Variants in PRKN observed in about 807,000 individuals in gnomAD.
PRKN encodes E3 ubiquitin-protein ligase parkin.
PRKN carries 56 observed loss-of-function variants against 59.5 expected under a neutral mutation model. The observed-to-expected ratio is 0.94, with a 90% CI of 0.76 to 1.18. The LOEUF (loss-of-function observed/expected upper bound fraction) is 1.18. PRKN is among the 50% of genes most tolerant of loss of function. The pLI, the probability that PRKN is intolerant of heterozygous loss-of-function variation, is 0.00. For missense variants in PRKN, 657 were observed against 596.4 expected (o/e 1.10, Z -1.06); for synonymous variants, 250 against 222.1 (o/e 1.13, Z -1.12).
intron 2 of PRKN, among the ~76,000 whole-genome samples, chr6:162,403,677 A>T (rs1787915509): frequency 6.6e-6 from 1 of 152,144 alleles, no homozygotes; most frequent in African/African-American, 2.4e-5. Flanking sequence ...GGATTCAGGA[A>T]TGGGGAAAAA....
chr6:161,844,138 T>C (rs1349455747), intron 6 of PRKN, among the ~76,000 whole-genome samples: 2 of 152,170 alleles, frequency 1.3e-5, no homozygotes, highest in African/African-American at 2.4e-5. Context: ...AGTCTGCAAT[T>C]TTTGCCCCAT....
chr6:162,650,368 C>CG (rs1474038164), intron 1 of PRKN, among the ~76,000 whole-genome samples: 4 of 151,994 alleles, frequency 2.6e-5, no homozygotes, highest in African/African-American at 9.6e-5. Flanking sequence ...GAGGCCGAGG[C>CG]GGGCGGATCA....
intron 4 of PRKN, among the ~76,000 whole-genome samples, chr6:162,149,124 A>G (rs1189700268): frequency 1.3e-5 from 2 of 152,170 alleles, no homozygotes. Flanking sequence ...AGGACAATTC[A>G]TTGTTACTTT....
intron 7 of PRKN, among the ~76,000 whole-genome samples, chr6:161,654,935 G>A (rs1784282979): frequency 6.6e-6 from 1 of 152,222 alleles, no homozygotes; most frequent in Admixed American, 6.5e-5. Flanking sequence ...ACTATGGTGT[G>A]CCACTCAGCT....
intron 7 of PRKN, among the ~76,000 whole-genome samples, chr6:161,691,655 TG>T (rs1223217456): frequency 2.0e-5 from 3 of 152,102 alleles, no homozygotes; most frequent in Admixed American, 2.0e-4. Flanking sequence ...GCACTATGCT[TG>T]GGGGGCATTT....
At chr6:162,280,816 A>AG (rs1780859670) in intron 2 of PRKN, among the ~76,000 whole-genome samples, 1 of 151,132 alleles carries the variant, frequency 6.6e-6, no homozygotes, top group African/African-American at 2.4e-5. Flanking sequence ...AAAAAAAAAA[A>AG]AAGGCTAGAA....
chr6:161,656,427 TGCTACCAGTCTTCCTAA>T (rs1784354743), intron 7 of PRKN, among the ~76,000 whole-genome samples: 1 of 152,194 alleles, frequency 6.6e-6, no homozygotes, highest in Non-Finnish European at 1.5e-5. Context: ...TTAGGGGTTC[TGCTACCAGTCTTCCTAA>T]GCTAACCCCA....
chr6:162,239,510 G>C (rs1356810030), intron 3 of PRKN, among the ~76,000 whole-genome samples: 1 of 151,970 alleles, frequency 6.6e-6, no homozygotes, highest in Non-Finnish European at 1.5e-5. Flanking sequence ...GCCATCCAAC[G>C]CAGCGCAGAG....
At chr6:162,188,933 A>T (rs1784145295) in intron 4 of PRKN, among the ~76,000 whole-genome samples, 1 of 152,180 alleles carries the variant, frequency 6.6e-6, no homozygotes, top group African/African-American at 2.4e-5. Context: ...TCAGATGACT[A>T]CAAAGCAAGC....
At chr6:161,935,969 C>T (rs1779341742) in intron 6 of PRKN, among the ~76,000 whole-genome samples, 1 of 152,144 alleles carries the variant, frequency 6.6e-6, no homozygotes, top group Non-Finnish European at 1.5e-5. Flanking sequence ...AAGCTTTCCT[C>T]TTGAGGGGTA....
chr6:161,375,622 G>A (rs1346987191), intron 10 of PRKN, among the ~76,000 whole-genome samples: 2 of 152,160 alleles, frequency 1.3e-5, no homozygotes, highest in Admixed American at 6.5e-5. Flanking sequence ...GGCAGGCGAC[G>A]AAAAGGCTGT....
intron 1 of PRKN, among the ~76,000 whole-genome samples, chr6:162,592,385 T>C (rs761913480): frequency 6.6e-6 from 1 of 152,214 alleles, no homozygotes; most frequent in Non-Finnish European, 1.5e-5. Context: ...ACACAATTTA[T>C]GAATACTTGT....
chr6:162,064,878 T>C (rs184895522), intron 4 of PRKN, among the ~76,000 whole-genome samples: 1 of 152,356 alleles, frequency 6.6e-6, no homozygotes, highest in East Asian at 1.9e-4. Flanking sequence ...TAATGGCCTC[T>C]TTTCTCTTTG....
At chr6:162,234,594 A>G (rs1778566554) in intron 3 of PRKN, among the ~76,000 whole-genome samples, 1 of 152,204 alleles carries the variant, frequency 6.6e-6, no homozygotes, top group African/African-American at 2.4e-5. Flanking sequence ...ACTTTAAATC[A>G]TCTCTAGATG....
At chr6:161,968,021 G>A (rs1780647152) in intron 6 of PRKN, among the ~76,000 whole-genome samples, 1 of 151,628 alleles carries the variant, frequency 6.6e-6, no homozygotes, top group Admixed American at 6.6e-5. Flanking sequence ...TATCAGTGTG[G>A]GGCCTTTTTT....
intron 4 of PRKN, among the ~76,000 whole-genome samples, chr6:162,124,879 A>C (rs2128306471): frequency 6.6e-6 from 1 of 152,312 alleles, no homozygotes; most frequent in South Asian, 2.1e-4. Context: ...AGAACAATTA[A>C]TCAGGGTTAG....
At chr6:162,636,211 T>G (rs1337877311) in intron 1 of PRKN, among the ~76,000 whole-genome samples, 1 of 151,916 alleles carries the variant, frequency 6.6e-6, no homozygotes, top group Non-Finnish European at 1.5e-5. Flanking sequence ...TTAATCTTAT[T>G]ATTGGACAAT....
intron 1 of PRKN, among the ~76,000 whole-genome samples, chr6:162,641,219 A>G (rs1777945763): frequency 6.6e-6 from 1 of 152,184 alleles, no homozygotes; most frequent in African/African-American, 2.4e-5. Flanking sequence ...GAGGTAATTA[A>G]GACATATGGA....
At chr6:162,027,071 A>G (rs1175158491) in intron 5 of PRKN, among the ~76,000 whole-genome samples, 1 of 152,124 alleles carries the variant, frequency 6.6e-6, no homozygotes, top group Admixed American at 6.5e-5. Flanking sequence ...TGCGGTCTAG[A>G]GCTGGGATTC....
Sources: gnomAD v4.1 joint callset for allele counts (sites outside exome capture counted in the v4.1 genomes callset) on GRCh38, gnomAD v4.1.1 for gene constraint, MANE v1.5 for transcripts, NCBI Gene and HGNC (gene_info 2026-07-23, HGNC 2026-07-21) for gene names.